Variants in TRAF6 observed in about 807,000 individuals in gnomAD.
TRAF6 encodes TNF receptor-associated factor 6.
TRAF6 carries 10 observed loss-of-function variants against 48.4 expected under a neutral mutation model. That is an observed-to-expected ratio of 0.21 (90% CI 0.13 to 0.35). The LOEUF (loss-of-function observed/expected upper bound fraction) is 0.35, where lower values mean the gene tolerates loss of function less well. TRAF6 is among the 10% of genes least tolerant of loss of function. The pLI is 1.00. For synonymous variants in TRAF6, 186 were observed against 219.6 expected (o/e 0.85, Z 1.35); for missense variants, 397 against 661.0 (o/e 0.60, Z 4.38).
rs1424511343 is a variant in TRAF6, at chr11:36,488,152, G to A, written c.*1686C>T. ...TGGTATGCAGTGATTCTCAGGCGCTGGTTGGAAGGCACAGCTGAGGGACAC... is the reference window on the plus strand; with the variant it reads ...TGGTATGCAGTGATTCTCAGGCGCTAGTTGGAAGGCACAGCTGAGGGACAC... On this transcript the variant is annotated 3_prime_UTR_variant, in exon 7 of 7. Coordinates refer to ENST00000526995, the MANE Select transcript of TRAF6 (RefSeq NM_004620.4). The A allele has an allele frequency of 6.6e-6, 1 of 152,146 alleles. No individual in the cohort carries two copies. The highest frequency in any genetic ancestry group is 6.5e-5 in the Admixed American group (1 of 15,274). 9.4% of individuals were successfully genotyped at this position (152,146 alleles called of 1,614,324 possible).
In TRAF6 at chr11:36,488,128, G is replaced by A. The variant is rs1248803186; in HGVS notation, c.*1710C>T. On this transcript the variant is annotated 3_prime_UTR_variant, in exon 7 of 7. Transcript: ENST00000526995. ...GTGTAGGTTTCCCTACCTAGAGGGT[G>A]GTATGCAGTGATTCTCAGGCGCTGG... is the stretch of plus-strand genomic sequence containing the variant. 2.0e-5 allele frequency: 3 copies of A among 152,150 alleles called. No individual in the cohort carries two copies. The highest frequency in any genetic ancestry group is 7.2e-5 in the African/African-American group (3 of 41,412). The allele number at this position is 152,150 out of a possible 1,614,324, so 9.4% of individuals were successfully genotyped here.
Position 36,489,797 on chromosome 11 carries a change from T to G in TRAF6, c.*41A>C, listed in dbSNP as rs773381351. The G allele has an allele frequency of 3.2e-6, 5 of 1,570,436 alleles. No homozygotes were observed. In the East Asian group the frequency reaches 9.0e-5, roughly 28 times the overall value. On this transcript the variant is annotated 3_prime_UTR_variant, in exon 7 of 7. Coordinates refer to ENST00000526995, the MANE Select transcript of TRAF6 (RefSeq NM_004620.4). Reference sequence around the variant, plus strand: ...TTGAGAACAGGGCAAGGAAAGGCACTGTTTTCTCCAGGTAGTTGTTTTTGA... The same window carrying G: ...TTGAGAACAGGGCAAGGAAAGGCACGGTTTTCTCCAGGTAGTTGTTTTTGA...
chr11:36,501,099 C>CT, intron 2 of TRAF6, 121 bp downstream of exon 2: 1 of 1,018,844 alleles, frequency 9.8e-7, no homozygotes, highest in East Asian at 2.7e-5. Context: ...GTCCATTGTT[C>CT]TTTTTTCCTA....
intron 3 of TRAF6, 36 bp from the exon 4 acceptor site, chr11:36,497,302 A>G: frequency 6.3e-7 from 1 of 1,583,542 alleles, no homozygotes; most frequent in Non-Finnish European, 8.6e-7. Context: ...GCATTAGCCA[A>G]CTCTGAAGTC....
intron 2 of TRAF6, 49 bp downstream of exon 2, chr11:36,501,171 C>T (rs1469551170): frequency 6.8e-7 from 1 of 1,473,980 alleles, no homozygotes; most frequent in Non-Finnish European, 9.1e-7. Flanking sequence ...ACAATGTTCT[C>T]TGCATCTGGT....
At position 36,489,681 on chromosome 11, in the gene TRAF6, T is replaced by C; in HGVS notation, c.*157A>G. On this transcript the variant is annotated 3_prime_UTR_variant, in exon 7 of 7. Transcript: ENST00000526995. ...CCCAGGAAAAAACTGCCTCAGATCA[T>C]TTGTAACAGGAAGAAATAGTAAGTG... 1.2e-6 allele frequency: 1 copy of C among 864,352 alleles called. No homozygotes were observed. The highest frequency in any genetic ancestry group is 1.8e-6 in the Non-Finnish European group (1 of 556,664). The allele number at this position is 864,352 out of a possible 1,614,324, so 53.5% of individuals were successfully genotyped here.
At chr11:36,500,912 A>T (rs1031390561) in intron 2 of TRAF6, among the ~76,000 whole-genome samples, 6 of 152,112 alleles carry the variant, frequency 3.9e-5, no homozygotes, top group African/African-American at 1.2e-4. Context: ...AGGTACATTT[A>T]AAAAATACTA....
In TRAF6 at chr11:36,504,450, C is replaced by T. The variant is rs184257204; in HGVS notation, c.-22-2913G>A. 2.4e-3 allele frequency among the ~76,000 whole-genome samples: 372 copies of T among 152,278 alleles called. 2 individuals carry two copies. Among genetic ancestry groups the T allele is most frequent in the African/African-American group, 8.5e-3 (352 of 41,548 alleles). Reference sequence around the variant, plus strand: ...CATAAGAAGCAACTCCTCATCTGTTCAAGTTTTTTACCATGAGACTGCAGA... The same window carrying T: ...CATAAGAAGCAACTCCTCATCTGTTTAAGTTTTTTACCATGAGACTGCAGA... On this transcript the variant is annotated intron_variant, in intron 1 of 6. Transcript: ENST00000526995.
In TRAF6 at chr11:36,490,438, C is replaced by CGA; in HGVS notation, c.968_969insTC (p.Gln323HisfsTer6). 6.2e-7 allele frequency: 1 copy of CGA among 1,613,844 alleles called. No individual in the cohort carries two copies. Among genetic ancestry groups the CGA allele is most frequent in the Non-Finnish European group, 8.5e-7 (1 of 1,180,038 alleles). On this transcript the variant is annotated frameshift_variant, in exon 7 of 7. Coordinates refer to ENST00000526995, the MANE Select transcript of TRAF6 (RefSeq NM_004620.4). LOFTEE classifies it high-confidence loss of function. This position sits in a 1 kb window ranked among gnomAD's most constrained non-coding sequence, Gnocchi z 6.4. ...GTTTGAGCTCACTTACATACATACT[C>CGA]TGAGTTTCCATTTTAGCAGTCAGCT...
At chr11:36,497,980 T>C (rs1009922607) in intron 3 of TRAF6, among the ~76,000 whole-genome samples, 1 of 151,270 alleles carries the variant, frequency 6.6e-6, no homozygotes, top group African/African-American at 2.4e-5. Context: ...TACCTCCTGG[T>C]TTCAAGTGAT....
At chr11:36,501,057 C>T (rs1281222320) in intron 2 of TRAF6, among the ~76,000 whole-genome samples, 163 bp downstream of exon 2, 1 of 152,128 alleles carries the variant, frequency 6.6e-6, no homozygotes, top group African/African-American at 2.4e-5. Flanking sequence ...ACAGTGGAAA[C>T]TGGGATAAGA....
intron 1 of TRAF6, among the ~76,000 whole-genome samples, chr11:36,504,928 T>C (rs1367248251): frequency 6.6e-6 from 1 of 152,192 alleles, no homozygotes; most frequent in East Asian, 1.9e-4. Flanking sequence ...GCAGTAATAT[T>C]TTGAAAGGCA....
chr11:36,502,844 G>T (rs1263171856), intron 1 of TRAF6, among the ~76,000 whole-genome samples: 1 of 152,074 alleles, frequency 6.6e-6, no homozygotes, highest in African/African-American at 2.4e-5. Flanking sequence ...CTGTAAAATG[G>T]TTCTAACAAT....
Position 36,490,477 on chromosome 11 carries a change from G to A in TRAF6, c.930C>T (p.Asp310=). 1 of 1,613,558 alleles carries A rather than the reference G, an allele frequency of 6.2e-7. No homozygotes were observed. Among genetic ancestry groups the A allele is most frequent in the Non-Finnish European group, 8.5e-7 (1 of 1,180,032 alleles). ...TAGCAGTCAGCTCCCGGATTTGATG[G>A]TCTTGTCTTACAAGGCGACCCTCTA... is the stretch of plus-strand genomic sequence containing the variant. The part of the protein sequence containing the change: ...HQLEGRLVRQ[D]HQIRELTAKM... Residue 310 remains aspartate (D), a synonymous_variant, in exon 7 of 7, where the codon GAC becomes GAT. Coordinates refer to ENST00000526995, the MANE Select transcript of TRAF6 (RefSeq NM_004620.4). The surrounding 1 kb of genome is among the most constrained non-coding windows in gnomAD (Gnocchi z 6.4).
chr11:36,501,814 A>C, intron 1 of TRAF6: 1 of 219,848 alleles, frequency 4.5e-6, no homozygotes, highest in East Asian at 9.5e-5. Context: ...TTCATGATCT[A>C]GTAGAACGAC....
At position 36,490,802 on chromosome 11, in the gene TRAF6, A is replaced by G. The variant is rs560082560; in HGVS notation, c.757-152T>C. On this transcript the variant is annotated intron_variant, in intron 6 of 6. Coordinates refer to ENST00000526995, the MANE Select transcript of TRAF6 (RefSeq NM_004620.4). The surrounding 1 kb of genome is among the most constrained non-coding windows in gnomAD (Gnocchi z 6.4). ...TTTGCCTTCAACAGATTCTTGATCC[A>G]ATGAGGCGACTCTGCCTCTTAGTTC... is the stretch of plus-strand genomic sequence containing the variant. 3.0e-6 allele frequency: 2 copies of G among 665,458 alleles called. No individual in the cohort carries two copies. The highest frequency in any genetic ancestry group is 5.5e-5 in the East Asian group (2 of 36,278). The allele number at this position is 665,458 out of a possible 1,614,324, so 41.2% of individuals were successfully genotyped here.
chr11:36,501,343 A>G lies in TRAF6; in HGVS notation c.173T>C (p.Val58Ala), dbSNP rs772870667. 2.5e-6 allele frequency: 4 copies of G among 1,614,104 alleles called. No individual in the cohort carries two copies. In the East Asian group the frequency reaches 6.7e-5, roughly 27 times the overall value. ...SFMEEIQGYD[V>A]EFDPPLESKY... ...GCTTTCCAGGGGTGGGTCAAACTCT[A>G]CATCATATCCCTGGATCTCCTCCAT... The change falls in exon 2 of 7, where the codon GTA becomes GCA. Residue 58 changes from valine (V) to alanine (A), a missense_variant. Val to Ala is a moderately conservative substitution (Grantham distance 64). This residue lies in a region of TRAF6 where 73 missense variants were observed against 87.3 expected (regional missense o/e 0.84). Coordinates refer to ENST00000526995, the MANE Select transcript of TRAF6 (RefSeq NM_004620.4).
Position 36,489,534 on chromosome 11 carries a change from C to T in TRAF6, c.*304G>A, listed in dbSNP as rs1055386649. 26 of 325,632 alleles carry T rather than the reference C, an allele frequency of 8.0e-5. No individual in the cohort carries two copies. Among genetic ancestry groups the T allele is most frequent in the Non-Finnish European group, 1.5e-4 (26 of 178,758 alleles). 20.2% of individuals were successfully genotyped at this position (325,632 alleles called of 1,614,324 possible). ...GTCTGGACTTTCTGACAATAAAATA[C>T]ACCAGAGCAAAAGCCCAAGAAAGTA... On this transcript the variant is annotated 3_prime_UTR_variant, in exon 7 of 7. Transcript: ENST00000526995.
At position 36,486,658 on chromosome 11, in the gene TRAF6, A is replaced by G. The variant is rs1353997609; in HGVS notation, c.*3180T>C. ...TTTTCTACTATTTATCCCCAAAATA[A>G]AAGTTAAATCATATTGTAGTATACC... is the stretch of plus-strand genomic sequence containing the variant. On this transcript the variant is annotated 3_prime_UTR_variant, in exon 7 of 7. Coordinates refer to ENST00000526995, the MANE Select transcript of TRAF6 (RefSeq NM_004620.4). Among the ~76,000 whole-genome samples, 2 of 152,178 alleles carry G rather than the reference A, an allele frequency of 1.3e-5. No homozygotes were observed. The highest frequency in any genetic ancestry group is 4.8e-5 in the African/African-American group (2 of 41,398).
Sources: gnomAD v4.1 joint callset for allele counts (sites outside exome capture counted in the v4.1 genomes callset) on GRCh38, gnomAD v4.1.1 for gene constraint, gnomAD v4.1.1 regional missense constraint, Gnocchi (gnomAD v3.1) non-coding constraint, MANE v1.5 for transcripts, NCBI Gene and HGNC (gene_info 2026-07-23, HGNC 2026-07-21) for gene names.